RCL1: variants seen among roughly 807,000 people sequenced by gnomAD.
RCL1 encodes RNA 3'-terminal phosphate cyclase-like protein.
RCL1 carries 24 observed loss-of-function variants against 42.4 expected under a neutral mutation model. The observed-to-expected ratio is 0.57, with a 90% CI of 0.41 to 0.80. RCL1 has a LOEUF of 0.80. Ranked by LOEUF, RCL1 falls within the 30% of genes least tolerant of loss-of-function variation. RCL1 has a pLI of 0.00. For missense variants in RCL1, 578 were observed against 467.9 expected, an observed-to-expected ratio of 1.24 and a Z score of -2.17; for synonymous variants, 228 against 177.3, an observed-to-expected ratio of 1.29 and a Z score of -2.27.
At chr9:4,846,375 G>A (rs1817512431) in intron 7 of RCL1, among the ~76,000 whole-genome samples, 1 of 152,236 alleles carries the variant, frequency 6.6e-6, no homozygotes, top group African/African-American at 2.4e-5. Flanking sequence ...TCCTGAAGGA[G>A]GAGGTATTCT....
intron 1 of RCL1, among the ~76,000 whole-genome samples, chr9:4,796,375 C>G (rs543982648): frequency 4.2e-4 from 64 of 152,266 alleles, no homozygotes; most frequent in African/African-American, 1.5e-3. Flanking sequence ...GGATAATGGC[C>G]TCTAGCTCCA....
intron 1 of RCL1, among the ~76,000 whole-genome samples, chr9:4,798,688 A>G (rs919065253): frequency 5.3e-5 from 8 of 152,174 alleles, no homozygotes; most frequent in African/African-American, 1.9e-4. Context: ...GGATGTGCCT[A>G]TATTTTATTT....
chr9:4,812,969 A>G (rs889208974), intron 1 of RCL1, among the ~76,000 whole-genome samples: 2 of 152,244 alleles, frequency 1.3e-5, no homozygotes, highest in Admixed American at 6.5e-5. Flanking sequence ...AGTTCATGGC[A>G]GTACTTTAAG....
chr9:4,818,610 A>G (rs775578650), intron 1 of RCL1, among the ~76,000 whole-genome samples: 6 of 152,110 alleles, frequency 3.9e-5, no homozygotes, highest in Non-Finnish European at 8.8e-5. Context: ...CGGCCGGGCT[A>G]GGTGGCTCAC....
In RCL1 at chr9:4,802,388, C is replaced by G. The variant is rs184154872; in HGVS notation, c.136+9161C>G. Among the ~76,000 whole-genome samples the G allele has an allele frequency of 1.4e-4, 21 of 152,224 alleles. No homozygotes were observed. The East Asian group carries it at 4.0e-3, about 29-fold the overall frequency. The stretch of plus-strand genomic sequence containing the variant: ...TAATCTTGTCTAATATACAAAAAAG[C>G]TTTCCAATATTTTGACAAGAATTAT... On this transcript the variant is annotated intron_variant, in intron 1 of 8. Coordinates refer to ENST00000381750, the MANE Select transcript of RCL1 (RefSeq NM_005772.5).
intron 5 of RCL1, among the ~76,000 whole-genome samples, chr9:4,834,606 C>T (rs952661688): frequency 5.9e-5 from 9 of 151,552 alleles, no homozygotes; most frequent in African/African-American, 2.2e-4. Flanking sequence ...CGTCATCATT[C>T]GGTGAAGGAA....
intron 1 of RCL1, among the ~76,000 whole-genome samples, chr9:4,822,471 C>T (rs976200473): frequency 3.9e-5 from 6 of 152,152 alleles, no homozygotes; most frequent in Non-Finnish European, 8.8e-5. Context: ...AAAATCTATT[C>T]TCTTCCTTTC....
Position 4,860,158 on chromosome 9 carries a change from C to T in RCL1, c.1005C>T (p.Phe335=). The change falls in exon 9 of 9, where the codon TTC becomes TTT. Residue 335 remains phenylalanine (F), a synonymous_variant. Transcript: ENST00000381750. ...IEFLRHLKSF[F]QIMFKIETKP... ...TTTTGCGGCATTTGAAGAGCTTTTT[C>T]CAGATTATGTTTAAAATTGAAACCA... 2 of 1,593,384 alleles carry T rather than the reference C, an allele frequency of 1.3e-6. No homozygotes were observed. The highest frequency in any genetic ancestry group is 8.5e-7 in the Non-Finnish European group (1 of 1,172,320).
Position 4,841,276 on chromosome 9 carries a change from A to C in RCL1, c.629A>C (p.Asp210Ala). ...VSPQMANRIVDSARSILNKFI... is the reference protein window; with the variant it reads ...VSPQMANRIVASARSILNKFI... ...CCTCAGATGGCGAACCGGATTGTGG[A>C]TTCTGCAAGGAGCATCCTCAACAAG... The change falls in exon 6 of 9, where the codon GAT becomes GCT. Residue 210 changes from aspartate to alanine, a missense_variant. Physicochemically the swap from Asp to Ala is moderately radical, Grantham distance 126 (BLOSUM62 -2). Transcript: ENST00000381750. 1.9e-6 allele frequency: 3 copies of C among 1,613,574 alleles called. No homozygotes were observed. The highest frequency in any genetic ancestry group is 2.5e-6 in the Non-Finnish European group (3 of 1,179,470).
At chr9:4,826,584 G>A (rs1468714408) in intron 2 of RCL1, among the ~76,000 whole-genome samples, 1 of 152,162 alleles carries the variant, frequency 6.6e-6, no homozygotes, top group Non-Finnish European at 1.5e-5. Context: ...TCTCTTTTCT[G>A]TGCCCTGCCA....
intron 2 of RCL1, among the ~76,000 whole-genome samples, chr9:4,824,474 G>A (rs1361897615): frequency 6.7e-6 from 1 of 148,458 alleles, no homozygotes; most frequent in Non-Finnish European, 1.5e-5. Context: ...TTGTAGTATA[G>A]TATTCCAGTG....
chr9:4,851,456 T>C (rs1817746078), intron 8 of RCL1, among the ~76,000 whole-genome samples: 1 of 152,192 alleles, frequency 6.6e-6, no homozygotes, highest in African/African-American at 2.4e-5. Context: ...TTTCTGCCCC[T>C]AATCACTATG....
At chr9:4,806,209 T>C (rs1815955271) in intron 1 of RCL1, among the ~76,000 whole-genome samples, 1 of 152,142 alleles carries the variant, frequency 6.6e-6, no homozygotes. Context: ...TTCTTCATTT[T>C]TGATATGTAC....
intron 8 of RCL1, among the ~76,000 whole-genome samples, chr9:4,858,936 A>G (rs1003507962): frequency 2.6e-5 from 4 of 152,224 alleles, no homozygotes; most frequent in African/African-American, 9.6e-5. Context: ...TCTGGCCTCT[A>G]TGAACTGGGG....
intron 8 of RCL1, among the ~76,000 whole-genome samples, chr9:4,853,950 T>C (rs538131166): frequency 2.0e-5 from 3 of 152,110 alleles, no homozygotes; most frequent in South Asian, 4.2e-4. Flanking sequence ...AGGAAACCAG[T>C]GGGGAAACTG....
At chr9:4,857,302 C>A (rs1201992166) in intron 8 of RCL1, among the ~76,000 whole-genome samples, 1 of 152,172 alleles carries the variant, frequency 6.6e-6, no homozygotes, top group Non-Finnish European at 1.5e-5. Flanking sequence ...CTCCTTTCTG[C>A]CTCTGTGATA....
chr9:4,822,957 C>T (rs1029027927), intron 1 of RCL1, among the ~76,000 whole-genome samples: 3 of 152,096 alleles, frequency 2.0e-5, no homozygotes, highest in Non-Finnish European at 4.4e-5. Flanking sequence ...TAATACTGTA[C>T]ATTCAAACAC....
At chr9:4,848,935 G>A (rs187939043) in intron 7 of RCL1, among the ~76,000 whole-genome samples, 3 of 152,262 alleles carry the variant, frequency 2.0e-5, no homozygotes, top group African/African-American at 4.8e-5. Context: ...AGTATGGCAA[G>A]CAGTTTCCTG....
At chr9:4,850,328 G>C (rs1411860402) in intron 8 of RCL1, 6 of 534,294 alleles carry the variant, frequency 1.1e-5, no homozygotes, top group Admixed American at 5.8e-5. Context: ...TGGTACCGAT[G>C]CTGTATATCT....
Sources: gnomAD v4.1 joint callset for allele counts (sites outside exome capture counted in the v4.1 genomes callset) on GRCh38, gnomAD v4.1.1 for gene constraint, MANE v1.5 for transcripts, NCBI Gene and HGNC (gene_info 2026-07-23, HGNC 2026-07-21) for gene names.